The following PJA2 variants were observed in gnomAD, a reference collection of about 807,000 sequenced individuals.
PJA2 encodes the protein praja ring finger ubiquitin ligase 2, also known as E3 ubiquitin-protein ligase Praja-2.
A neutral mutation model predicts 69.3 loss-of-function variants in PJA2; 25 were observed. The observed-to-expected ratio is 0.36, with a 90% CI of 0.26 to 0.50. The LOEUF (loss-of-function observed/expected upper bound fraction) is 0.50. PJA2 is among the 20% of genes least tolerant of loss of function. The pLI, the probability that PJA2 is intolerant of heterozygous loss-of-function variation, is 0.96. For synonymous variants in PJA2, 308 were observed against 277.8 expected, an observed-to-expected ratio of 1.11 and a Z score of -1.08; for missense variants, 809 against 830.2, an observed-to-expected ratio of 0.97 and a Z score of 0.31.
At position 109,393,237 on chromosome 5, in the gene PJA2, G is replaced by A. The variant is rs79412174; in HGVS notation, c.-87-9717C>T. Among the ~76,000 whole-genome samples, 1,154 of 152,180 alleles carry A rather than the reference G, an allele frequency of 7.6e-3. 13 individuals carry two copies. Among genetic ancestry groups the A allele is most frequent in the African/African-American group, 0.026 (1,080 of 41,510 alleles). ...AAATGGCTAAGAAACATATGAAAAG[G>A]TATCAATTTCATAAACTGGCTGAAG... On this transcript the variant is annotated intron_variant, in intron 1 of 9. Transcript: ENST00000361189.
At chr5:109,394,039 C>CTTTTTTTT (rs75679188) in intron 1 of PJA2, among the ~76,000 whole-genome samples, 3 of 81,854 alleles carry the variant, frequency 3.7e-5, no homozygotes, top group Non-Finnish European at 4.9e-5. Flanking sequence ...TTCTAATTCT[C>CTTTTTTTT]TTTTTTTTTT....
chr5:109,400,433 G>T, intron 1 of PJA2, among the ~76,000 whole-genome samples: 1 of 139,398 alleles, frequency 7.2e-6, no homozygotes, highest in South Asian at 2.5e-4. Context: ...CATTAAATGA[G>T]CTGCCATGAG....
At chr5:109,379,331 T>A (rs1582614540) in intron 3 of PJA2, 77 bp from the exon 4 acceptor site, 1 of 1,040,400 alleles carries the variant, frequency 9.6e-7, no homozygotes, top group Non-Finnish European at 1.4e-6. Flanking sequence ...ATCACTTAAG[T>A]GGAAATCATA....
intron 6 of PJA2, among the ~76,000 whole-genome samples, chr5:109,360,724 C>A (rs1201566572): frequency 6.6e-6 from 1 of 152,144 alleles, no homozygotes; most frequent in Non-Finnish European, 1.5e-5. Flanking sequence ...AAGCTCTGGA[C>A]ATTTCGGGAC....
chr5:109,365,937 G>C lies in PJA2; in HGVS notation c.1469+2624C>G, dbSNP rs954800127. Among the ~76,000 whole-genome samples, 3 of 152,220 alleles carry C rather than the reference G, an allele frequency of 2.0e-5. 1 individual carries two copies. The highest frequency in any genetic ancestry group is 1.5e-5 in the Non-Finnish European group (1 of 67,994). ...TTTCTCAATTTCAACCAAAGTACAG[G>C]TTATTTTCTCCCTTTGGTCAAAGCT... is the stretch of plus-strand genomic sequence containing the variant. On this transcript the variant is annotated intron_variant, in intron 5 of 9. Transcript: ENST00000361189.
chr5:109,379,394 T>C (rs115797982), intron 3 of PJA2, 140 bp from the exon 4 acceptor site: 2 of 656,902 alleles, frequency 3.0e-6, no homozygotes, highest in Non-Finnish European at 5.1e-6. Context: ...AGCACTTCTA[T>C]GCTCCTTAAC....
chr5:109,363,731 A>C (rs1762535272), intron 5 of PJA2, among the ~76,000 whole-genome samples: 1 of 152,154 alleles, frequency 6.6e-6, no homozygotes, highest in Non-Finnish European at 1.5e-5. Flanking sequence ...ACATTTTCTT[A>C]TTTGTTTACT....
intron 9 of PJA2, among the ~76,000 whole-genome samples, chr5:109,340,400 A>T (rs1056931176): frequency 6.6e-6 from 1 of 151,908 alleles, no homozygotes; most frequent in Non-Finnish European, 1.5e-5. Flanking sequence ...GACGGAAGGA[A>T]GGAAAGGAAT....
At chr5:109,339,751 CTA>C (rs1428665826) in intron 9 of PJA2, among the ~76,000 whole-genome samples, 3 of 152,144 alleles carry the variant, frequency 2.0e-5, no homozygotes, top group South Asian at 2.1e-4. Context: ...ATTACTTTTC[CTA>C]TATGTTTACT....
Position 109,344,817 on chromosome 5 carries a change from A to C in PJA2, c.1767T>G (p.Thr589=), listed in dbSNP as rs770847955. 1 of 1,601,054 alleles carries C rather than the reference A, an allele frequency of 6.2e-7. No homozygotes were observed. Among genetic ancestry groups the C allele is most frequent in the Non-Finnish European group, 8.5e-7 (1 of 1,171,604 alleles). ...LEERLAQAME[T]ALAHLESLAV... is the part of the protein sequence containing the mutation. ...CAAGAGACTCTAAATGGGCCAGAGC[A>C]GTCTGAAAAACAAAAGGTACAGTTC... is the stretch of plus-strand genomic sequence containing the variant. Residue 589 remains threonine, a splice_region_variant and synonymous_variant, in exon 8 of 10, where the codon ACT becomes ACG. Coordinates refer to ENST00000361189, the MANE Select transcript of PJA2 (RefSeq NM_014819.5).
chr5:109,344,338 A>G lies in PJA2; in HGVS notation c.1880-27T>C, dbSNP rs1457422468. 4 of 1,574,324 alleles carry G rather than the reference A, an allele frequency of 2.5e-6. No individual in the cohort carries two copies. In the East Asian group the frequency reaches 9.1e-5, roughly 36 times the overall value. On this transcript the variant is annotated intron_variant, in intron 8 of 9. Coordinates refer to ENST00000361189, the MANE Select transcript of PJA2 (RefSeq NM_014819.5). ...TGAAAACAACAAATAATTCAGGTCA[A>G]TCACACGTAGTTCAATTTTAGTAAA...
At chr5:109,344,425 T>C in intron 8 of PJA2, 114 bp from the exon 9 acceptor site, 1 of 1,167,364 alleles carries the variant, frequency 8.6e-7, no homozygotes. Flanking sequence ...AGCCAGTCTT[T>C]GACCAGTTAA....
At chr5:109,357,132 T>C (rs182051027) in intron 6 of PJA2, among the ~76,000 whole-genome samples, 1 of 152,206 alleles carries the variant, frequency 6.6e-6, no homozygotes, top group African/African-American at 2.4e-5. Context: ...CCCGAAGCTC[T>C]TGACCTACAT....
rs968302885 is a variant in PJA2, at chr5:109,347,675, A to G, written c.1765-2856T>C. Among the ~76,000 whole-genome samples, 3 of 151,952 alleles carry G rather than the reference A, an allele frequency of 2.0e-5. No homozygotes were observed. In the East Asian group the frequency reaches 5.8e-4, roughly 29 times the overall value. ...GTTCTGCCAGCACAGTACCATAAAT[A>G]CTCCTCCATAAGCCATGGCTGTGTC... On this transcript the variant is annotated intron_variant, in intron 7 of 9. Coordinates refer to ENST00000361189, the MANE Select transcript of PJA2 (RefSeq NM_014819.5).
chr5:109,377,782 G>A (rs1381665790), intron 4 of PJA2, among the ~76,000 whole-genome samples: 2 of 152,020 alleles, frequency 1.3e-5, no homozygotes, highest in South Asian at 4.2e-4. Context: ...GATAAAGAGG[G>A]AAACAAGTGA....
chr5:109,382,957 T>G (rs1440139068), intron 2 of PJA2, among the ~76,000 whole-genome samples: 1 of 152,112 alleles, frequency 6.6e-6, no homozygotes, highest in Non-Finnish European at 1.5e-5. Flanking sequence ...GAAACAAACA[T>G]GTATTTATAA....
intron 5 of PJA2, among the ~76,000 whole-genome samples, chr5:109,367,151 T>C (rs908000572): frequency 1.4e-5 from 2 of 145,858 alleles, no homozygotes; most frequent in Non-Finnish European, 3.0e-5. Flanking sequence ...AAAATATATA[T>C]ATATATATAT....
rs1476881736 is a variant in PJA2 at position 109,363,034 on chromosome 5, A to AT, written c.1470-13dup. 1.3e-6 allele frequency: 2 copies of AT among 1,549,994 alleles called. No individual in the cohort carries two copies. Among genetic ancestry groups the AT allele is most frequent in the Non-Finnish European group, 1.8e-6 (2 of 1,139,826 alleles). On this transcript the variant is annotated splice_polypyrimidine_tract_variant and intron_variant, in intron 5 of 9. Coordinates refer to ENST00000361189, the MANE Select transcript of PJA2 (RefSeq NM_014819.5). Reference sequence around the variant, plus strand: ...AGGATGTCTGTTCCCTAGTACAAACATTTTAAAGGAAGAAAAAAATATTAT... The same window carrying AT: ...AGGATGTCTGTTCCCTAGTACAAACATTTTTAAAGGAAGAAAAAAATATTAT...
At chr5:109,354,064 T>A (rs988064323) in intron 7 of PJA2, among the ~76,000 whole-genome samples, 1 of 129,790 alleles carries the variant, frequency 7.7e-6, no homozygotes, top group Non-Finnish European at 1.7e-5. Flanking sequence ...CTATGATATC[T>A]AGAGATATCT....
Sources: allele counts gnomAD v4.1 joint callset (sites outside exome capture counted in the v4.1 genomes callset), GRCh38; gene constraint gnomAD v4.1.1; transcripts MANE v1.5; gene names NCBI Gene and HGNC (gene_info 2026-07-23, HGNC 2026-07-21).